The following BCLAF3 variants were observed in gnomAD, a reference collection of about 807,000 sequenced individuals.
The protein encoded by BCLAF3 is transient octamer binding factor 1.
In BCLAF3, 24 loss-of-function variants were observed where a neutral mutation model predicts 51.2. That is an observed-to-expected ratio of 0.47 (90% CI 0.34 to 0.66). The LOEUF (loss-of-function observed/expected upper bound fraction) is 0.66. BCLAF3 is among the 30% of genes least tolerant of loss of function. BCLAF3 has a pLI of 0.01. For missense variants in BCLAF3, 465 were observed against 525.1 expected (o/e 0.89, Z 1.12); for synonymous variants, 152 against 176.6 (o/e 0.86, Z 1.10).
chrX:19,937,752 T>C (rs2070826576), intron 8 of BCLAF3, among the ~76,000 whole-genome samples: 1 of 112,396 alleles, frequency 8.9e-6, no homozygotes, highest in Admixed American at 9.4e-5. Context: ...AGGTTAGCAA[T>C]GCGGAAAAAC....
At chrX:19,921,951 C>T (rs1401329162) in intron 11 of BCLAF3, among the ~76,000 whole-genome samples, 3 of 109,183 alleles carry the variant, frequency 2.7e-5, no homozygotes, top group Admixed American at 9.9e-5. Context: ...TGCAGTGAGC[C>T]GAGATCATGC....
At chrX:19,937,208 G>C (rs975977759) in intron 9 of BCLAF3, 11 of 387,690 alleles carry the variant, frequency 2.8e-5, no homozygotes, top group Non-Finnish European at 5.0e-5. Context: ...AGATTTATTA[G>C]CTTTATTTAA....
chrX:19,948,672 G>A (rs1486367258), intron 8 of BCLAF3, among the ~76,000 whole-genome samples: 2 of 109,538 alleles, frequency 1.8e-5, no homozygotes, highest in Admixed American at 1.9e-4. Context: ...TCGGGAGGCC[G>A]AGGTGGGAGA....
At chrX:19,925,961 C>T (rs1047114375) in intron 11 of BCLAF3, among the ~76,000 whole-genome samples, 1 of 111,445 alleles carries the variant, frequency 9.0e-6, no homozygotes, top group Non-Finnish European at 1.9e-5. Context: ...CCCAGCTGTT[C>T]AGTAGGGTGC....
At chrX:19,968,285 T>C (rs1462039426) in intron 2 of BCLAF3, among the ~76,000 whole-genome samples, 2 of 112,694 alleles carry the variant, frequency 1.8e-5, no homozygotes, top group Non-Finnish European at 3.7e-5. Context: ...CTGCACGCCT[T>C]GCGAGCGCCC....
At chrX:19,919,415 T>C (rs1311532582) in intron 11 of BCLAF3, among the ~76,000 whole-genome samples, 1 of 111,883 alleles carries the variant, frequency 8.9e-6, no homozygotes, top group Non-Finnish European at 1.9e-5. Context: ...AGCGTCATAG[T>C]GGGTGTCTGT....
intron 11 of BCLAF3, among the ~76,000 whole-genome samples, chrX:19,921,279 G>A (rs771022961): frequency 3.8e-4 from 43 of 111,807 alleles, no homozygotes; most frequent in African/African-American, 1.2e-3. Context: ...TGAAACAAGC[G>A]AGAAGACTCC....
intron 10 of BCLAF3, among the ~76,000 whole-genome samples, chrX:19,931,278 AAC>A (rs2070541894): frequency 9.0e-6 from 1 of 111,168 alleles, no homozygotes; most frequent in African/African-American, 3.3e-5. Context: ...AATCTTCCCA[AAC>A]AATTCTCCAA....
At position 19,922,573 on chromosome X, in the gene BCLAF3, T is replaced by C. The variant is rs549441033; in HGVS notation, c.2107-5239A>G. On this transcript the variant is annotated intron_variant, in intron 11 of 11. Coordinates refer to ENST00000379682, the MANE Select transcript of BCLAF3 (RefSeq NM_001367774.2). ...AATAACATTATGCACCAAATAGATT[T>C]GGTGATCAACAAAATACTTTTAAAG... is the stretch of plus-strand genomic sequence containing the variant. Among the ~76,000 whole-genome samples, 9 of 111,489 alleles carry C rather than the reference T, an allele frequency of 8.1e-5. No homozygotes were observed. The South Asian group carries it at 3.4e-3, about 42-fold the overall frequency.
intron 1 of BCLAF3, among the ~76,000 whole-genome samples, chrX:19,973,663 T>C (rs2072323649): frequency 8.9e-6 from 1 of 112,012 alleles, no homozygotes; most frequent in Admixed American, 9.5e-5. Context: ...CCTAGGACTC[T>C]TTCCTGGACT....
At chrX:19,948,964 G>A (rs1415012795) in intron 8 of BCLAF3, among the ~76,000 whole-genome samples, 2 of 110,295 alleles carry the variant, frequency 1.8e-5, no homozygotes, top group Non-Finnish European at 3.8e-5. Context: ...AGTAATGATG[G>A]TTGCATAAGT....
chrX:19,964,487 G>C (rs1216774842), intron 4 of BCLAF3, among the ~76,000 whole-genome samples: 1 of 110,737 alleles, frequency 9.0e-6, no homozygotes, highest in Non-Finnish European at 1.9e-5. Flanking sequence ...GTCATTATGA[G>C]ACGGCAGCAA....
At chrX:19,925,894 C>T (rs1364278658) in intron 11 of BCLAF3, among the ~76,000 whole-genome samples, 2 of 111,980 alleles carry the variant, frequency 1.8e-5, no homozygotes, top group East Asian at 5.6e-4. Flanking sequence ...CAGACCCTGG[C>T]ACAAACAGAA....
chrX:19,990,680 C>T (rs1313551900), intron 1 of BCLAF3, among the ~76,000 whole-genome samples: 1 of 113,074 alleles, frequency 8.8e-6, no homozygotes, highest in East Asian at 2.8e-4. Flanking sequence ...TCAGGGGCGC[C>T]GGGCAGCTGT....
At chrX:19,952,359 C>A (rs1458212111) in intron 7 of BCLAF3, among the ~76,000 whole-genome samples, 3 of 100,304 alleles carry the variant, frequency 3.0e-5, no homozygotes, top group Non-Finnish European at 5.9e-5. Context: ...ATTAGCAGTT[C>A]TTTTAGAACT....
chrX:19,966,673 T>G (rs1483811242), intron 2 of BCLAF3, 24 bp from the exon 3 acceptor site: 1 of 1,164,918 alleles, frequency 8.6e-7, no homozygotes, highest in East Asian at 3.0e-5. Context: ...CACAGAAAAG[T>G]GTAAACCATT....
intron 8 of BCLAF3, among the ~76,000 whole-genome samples, chrX:19,949,706 A>G (rs1249207770): frequency 8.9e-6 from 1 of 112,562 alleles, no homozygotes; most frequent in East Asian, 2.8e-4. Flanking sequence ...CATCAAGTCC[A>G]TATATTCTGA....
intron 4 of BCLAF3, among the ~76,000 whole-genome samples, chrX:19,959,175 C>A (rs1238360108): frequency 1.8e-5 from 2 of 112,070 alleles, no homozygotes; most frequent in African/African-American, 6.5e-5. Flanking sequence ...TATAAAATTT[C>A]TTTTGCCTCC....
intron 1 of BCLAF3, among the ~76,000 whole-genome samples, chrX:19,984,771 C>T (rs1032969065): frequency 5.4e-5 from 6 of 110,408 alleles, no homozygotes; most frequent in East Asian, 2.8e-4. Context: ...CTGCAACCTC[C>T]GCCTCCCAGG....
Sources: gnomAD v4.1 joint callset for allele counts (sites outside exome capture counted in the v4.1 genomes callset) on GRCh38, gnomAD v4.1.1 for gene constraint, MANE v1.5 for transcripts, NCBI Gene and HGNC (gene_info 2026-07-23, HGNC 2026-07-21) for gene names.